Variants in STK11IP observed in about 807,000 individuals in gnomAD.
STK11IP encodes serine/threonine kinase 11 interacting protein, also known as serine/threonine-protein kinase 11-interacting protein.
STK11IP carries 103 observed loss-of-function variants against 131.7 expected under a neutral mutation model. That is an observed-to-expected ratio of 0.78 (90% CI 0.67 to 0.92). The LOEUF (loss-of-function observed/expected upper bound fraction) is 0.92, where lower values mean the gene tolerates loss of function less well. STK11IP is among the 40% of genes least tolerant of loss of function. The pLI is 0.00. For synonymous variants in STK11IP, 557 were observed against 575.6 expected (o/e 0.97, Z 0.46); for missense variants, 1,315 against 1,385.7 (o/e 0.95, Z 0.81).
At position 219,606,414 on chromosome 2, in the gene STK11IP, TACCTGGA is replaced by T. The variant is rs776172250; in HGVS notation, c.946-61_946-55del. On this transcript the variant is annotated intron_variant, in intron 10 of 24. Transcript: ENST00000456909. ...TGGACCCTGCTTACTGTGTTCTTAA[TACCTGGA>T]GCTCAGCAGGATGGGCCTACCACAT... 4 of 1,575,762 alleles carry T rather than the reference TACCTGGA, an allele frequency of 2.5e-6. No individual in the cohort carries two copies. The Admixed American group carries it at 5.5e-5, about 22-fold the overall frequency.
rs1482837770 is a variant in STK11IP, at chr2:219,607,211, TCTG to T, written c.1219+78_1219+80del. ...TCTAATTTTTAAGTTACAGTGAAGATCTGCTGGAAGAAATGTTATTTTTTGTTG... is the reference window on the plus strand; with the variant it reads ...TCTAATTTTTAAGTTACAGTGAAGATCTGGAAGAAATGTTATTTTTTGTTG... On this transcript the variant is annotated intron_variant, in intron 13 of 24. Coordinates refer to ENST00000456909, the MANE Select transcript of STK11IP (RefSeq NM_052902.4). 4 of 1,413,474 alleles carry T rather than the reference TCTG, an allele frequency of 2.8e-6. No individual in the cohort carries two copies. The African/African-American group carries it at 5.7e-5, about 20-fold the overall frequency. The allele number at this position is 1,413,474 out of a possible 1,614,324, so 87.6% of individuals were successfully genotyped here. A position where few individuals can be genotyped will look rare whatever the true frequency, so the allele number is the denominator to read the frequency against.
chr2:219,611,489 G>T, intron 17 of STK11IP, 115 bp from the exon 18 acceptor site: 1 of 882,892 alleles, frequency 1.1e-6, no homozygotes, highest in South Asian at 1.5e-5. Flanking sequence ...TGTGTATGAA[G>T]CTGGAGGCTT....
At position 219,602,693 on chromosome 2, in the gene STK11IP, C is replaced by T. The variant is rs748662040; in HGVS notation, c.547-12C>T. 36 of 1,613,426 alleles carry T rather than the reference C, an allele frequency of 2.2e-5. No homozygotes were observed. The highest frequency in any genetic ancestry group is 1.9e-4 in the South Asian group (17 of 91,036). On this transcript the variant is annotated splice_polypyrimidine_tract_variant and intron_variant, in intron 6 of 24. Transcript: ENST00000456909. ...GAACATCGATTCTCTGCCTCCTCCCCGTCTCTCTCAGCGCCTCTTGTCAGC... is the reference window on the plus strand; with the variant it reads ...GAACATCGATTCTCTGCCTCCTCCCTGTCTCTCTCAGCGCCTCTTGTCAGC...
intron 2 of STK11IP, among the ~76,000 whole-genome samples, chr2:219,600,810 T>C (rs181066438): frequency 7.2e-5 from 11 of 152,366 alleles, no homozygotes; most frequent in Admixed American, 7.2e-4. Context: ...AATGAGTGAC[T>C]GCAATATGAA....
chr2:219,613,254 A>G, intron 20 of STK11IP, 29 bp downstream of exon 20: 3 of 764,238 alleles, frequency 3.9e-6, no homozygotes, highest in Non-Finnish European at 5.9e-6. Flanking sequence ...GCAGTGAGTA[A>G]GGGGGGAGAT....
At position 219,606,807 on chromosome 2, in the gene STK11IP, C is replaced by T. The variant is rs1370414863; in HGVS notation, c.1083C>T (p.Asp361=). ...CCTCAGGTGGCCCTGACCTGAGTGA[C>T]AGCCTCTCCTCAGGGGGTGTTGTGA... is the stretch of plus-strand genomic sequence containing the variant. ...PETSGGPDLS[D]SLSSGGVVTQ... is the part of the protein sequence containing the mutation. Residue 361 remains aspartate, a synonymous_variant, in exon 12 of 25, where the codon GAC becomes GAT. Transcript: ENST00000456909. 1.2e-6 allele frequency: 2 copies of T among 1,613,620 alleles called. No homozygotes were observed. Among genetic ancestry groups the T allele is most frequent in the African/African-American group, 1.3e-5 (1 of 74,946 alleles).
chr2:219,608,971 T>G, intron 15 of STK11IP, 126 bp from the exon 16 acceptor site: 1 of 1,037,462 alleles, frequency 9.6e-7, no homozygotes, highest in Non-Finnish European at 1.4e-6. Context: ...GTGCTGGAGC[T>G]TGGACGTCAG....
chr2:219,602,558 G>T lies in STK11IP; in HGVS notation c.529G>T (p.Ala177Ser). 1 of 1,613,990 alleles carries T rather than the reference G, an allele frequency of 6.2e-7. No individual in the cohort carries two copies. Among genetic ancestry groups the T allele is most frequent in the Non-Finnish European group, 8.5e-7 (1 of 1,179,866 alleles). Residue 177 changes from alanine to serine, a missense_variant, in exon 6 of 25, where the codon GCC (alanine) becomes TCC (serine). Transcript: ENST00000456909. ...CAACTTCAGCTACAATGCACTGACC[G>T]CCTTAGACAGCTCCCTGGTGAGTGC... is the stretch of plus-strand genomic sequence containing the variant. ...SANFSYNALT[A>S]LDSSLRLLSA...
chr2:219,614,776 C>G, intron 23 of STK11IP: 2 of 689,194 alleles, frequency 2.9e-6, no homozygotes, highest in Non-Finnish European at 5.3e-6. Flanking sequence ...CCTTTGCTCT[C>G]GGGCCCAGGC....
At position 219,615,270 on chromosome 2, in the gene STK11IP, C is replaced by A; in HGVS notation, c.3046C>A (p.Leu1016Ile). 1 of 1,599,588 alleles carries A rather than the reference C, an allele frequency of 6.3e-7. No homozygotes were observed. The highest frequency in any genetic ancestry group is 8.5e-7 in the Non-Finnish European group (1 of 1,178,152). Residue 1016 changes from leucine to isoleucine, a missense_variant, in exon 24 of 25, where the codon CTC becomes ATC. By Grantham distance (5) the Leu-to-Ile change is conservative (BLOSUM62 2). Coordinates refer to ENST00000456909, the MANE Select transcript of STK11IP (RefSeq NM_052902.4). ...PAVRVREQQP[L>I]SSLSSVLLYR... ...TGTGCGTGTCAGGGAGCAGCAGCCACTCAGCAGCCTGAGCTCCGTGCTGCT... is the reference window on the plus strand; with the variant it reads ...TGTGCGTGTCAGGGAGCAGCAGCCAATCAGCAGCCTGAGCTCCGTGCTGCT...
At chr2:219,614,811 C>T (rs1341666948) in intron 23 of STK11IP, 8 of 645,990 alleles carry the variant, frequency 1.2e-5, no homozygotes, top group Non-Finnish European at 2.2e-5. Context: ...AGCAGCGTGG[C>T]TGAGTCGGCC....
intron 24 of STK11IP, chr2:219,615,745 C>T (rs1698551871): frequency 1.5e-6 from 1 of 658,938 alleles, no homozygotes; most frequent in South Asian, 1.5e-5. Context: ...ACCAGTTTGC[C>T]CAGTCCAAAG....
chr2:219,611,532 G>A (rs745521381), intron 17 of STK11IP, 72 bp from the exon 18 acceptor site: 10 of 1,282,494 alleles, frequency 7.8e-6, no homozygotes, highest in Non-Finnish European at 1.1e-5. Context: ...TGGGGAAGGA[G>A]CATCGTGAGC....
At chr2:219,613,602 AG>A in intron 20 of STK11IP, 149 bp from the exon 21 acceptor site, 1 of 616,024 alleles carries the variant, frequency 1.6e-6, no homozygotes, top group Non-Finnish European at 2.6e-6. Context: ...GGGGTGAGTG[AG>A]GGAGGAGATG....
chr2:219,600,223 C>T (rs892511130), intron 2 of STK11IP, among the ~76,000 whole-genome samples: 2 of 151,844 alleles, frequency 1.3e-5, no homozygotes, highest in African/African-American at 2.4e-5. Flanking sequence ...TCGCAATGCC[C>T]AGCTGAGAAT....
intron 5 of STK11IP, 47 bp downstream of exon 5, chr2:219,602,130 T>A (rs747250757): frequency 7.2e-7 from 1 of 1,388,396 alleles, no homozygotes; most frequent in Non-Finnish European, 1.0e-6. Flanking sequence ...TTGAGAGATG[T>A]AGAAGACCAA....
intron 5 of STK11IP, 90 bp downstream of exon 5, chr2:219,602,173 C>A: frequency 1.1e-6 from 1 of 949,518 alleles, no homozygotes; most frequent in Non-Finnish European, 1.6e-6. Context: ...GCAGCTCTCC[C>A]TGCCTCCTGC....
At chr2:219,597,995 G>A (rs370212775) in intron 1 of STK11IP, 72 bp downstream of exon 1, 22 of 1,593,006 alleles carry the variant, frequency 1.4e-5, no homozygotes, top group African/African-American at 2.7e-5. Context: ...TTTCTTTCTC[G>A]CCTTTTTCTC....
chr2:219,613,035 C>T, intron 19 of STK11IP, 93 bp from the exon 20 acceptor site: 2 of 955,094 alleles, frequency 2.1e-6, no homozygotes, highest in Non-Finnish European at 3.2e-6. Flanking sequence ...GAGGGTCAGG[C>T]CGAGGGTGCT....
Sources: allele counts gnomAD v4.1 joint callset (sites outside exome capture counted in the v4.1 genomes callset), GRCh38; gene constraint gnomAD v4.1.1; transcripts MANE v1.5; gene names NCBI Gene and HGNC (gene_info 2026-07-23, HGNC 2026-07-21).